Variants in NRXN1 observed in about 807,000 individuals in gnomAD.
NRXN1 encodes neurexin 1, also known as neurexin-1.
NRXN1 carries 39 observed loss-of-function variants against 150.9 expected under a neutral mutation model. The observed-to-expected ratio is 0.26, with a 90% confidence interval of 0.20 to 0.34. NRXN1 has a LOEUF of 0.34. NRXN1 is among the 10% of genes least tolerant of loss of function. NRXN1 has a pLI of 1.00. For synonymous variants in NRXN1, 924 were observed against 757.0 expected, an observed-to-expected ratio of 1.22 and a Z score of -3.62; for missense variants, 1,815 against 1,949.9, an observed-to-expected ratio of 0.93 and a Z score of 1.30.
In NRXN1 at chr2:50,312,381, G is replaced by T. The variant is rs529766091; in HGVS notation, c.3365-75411C>A. Among the ~76,000 whole-genome samples, 10 of 151,710 alleles carry T rather than the reference G, an allele frequency of 6.6e-5. No homozygotes were observed. In the South Asian group the frequency reaches 1.0e-3, roughly 16 times the overall value. ...AACAATTTTGCAGGCACTTGATGTG[G>T]GCATGACGGTGGTGTGTCTATGAGA... On this transcript the variant is annotated intron_variant, in intron 17 of 22. Coordinates refer to ENST00000401669, the MANE Select transcript of NRXN1 (RefSeq NM_001330078.2).
chr2:50,846,043 C>A (rs755954784), intron 5 of NRXN1, among the ~76,000 whole-genome samples: 3 of 152,136 alleles, frequency 2.0e-5, no homozygotes, highest in Admixed American at 1.3e-4. Flanking sequence ...AATTTCTTTT[C>A]TAGCATCAGA....
chr2:51,006,121 G>C (rs539952405), intron 2 of NRXN1, among the ~76,000 whole-genome samples: 17 of 151,798 alleles, frequency 1.1e-4, no homozygotes, highest in Non-Finnish European at 2.2e-4. Flanking sequence ...GCCAGTCATT[G>C]ACATTTCTTA....
rs13432545 is a variant in NRXN1, at chr2:50,573,389, C to G, written c.1321-20364G>C. On this transcript the variant is annotated intron_variant, in intron 8 of 22. Transcript: ENST00000401669. ...AAAAAAAAAAAACGGAATCTAAAGT[C>G]AAACACATGGATCTCTGCCTAGGTC... Among the ~76,000 whole-genome samples, 559 of 151,472 alleles carry G rather than the reference C, an allele frequency of 3.7e-3. 2 individuals carry two copies. The highest frequency in any genetic ancestry group is 0.013 in the African/African-American group (547 of 41,308).
Position 50,056,226 on chromosome 2 carries a change from T to C in NRXN1, c.3719-1182A>G, listed in dbSNP as rs370954043. 9.2e-5 allele frequency among the ~76,000 whole-genome samples: 14 copies of C among 152,252 alleles called. No individual in the cohort carries two copies. In the South Asian group the frequency reaches 2.5e-3, roughly 27 times the overall value. Reference sequence around the variant, plus strand: ...TTGTTAGAGAAGATAAATGAATAGATTTACATTTTATTCCTCTGATTTACA... The same window carrying C: ...TTGTTAGAGAAGATAAATGAATAGACTTACATTTTATTCCTCTGATTTACA... On this transcript the variant is annotated intron_variant, in intron 19 of 22. Transcript: ENST00000401669.
chr2:50,145,183 G>C (rs370863624), intron 18 of NRXN1, among the ~76,000 whole-genome samples: 47 of 151,498 alleles, frequency 3.1e-4, no homozygotes, highest in African/African-American at 1.1e-3. Context: ...CAAACATATA[G>C]AAAAGGTGCA....
At chr2:50,587,772 A>C (rs1006469226) in intron 8 of NRXN1, among the ~76,000 whole-genome samples, 3 of 152,184 alleles carry the variant, frequency 2.0e-5, no homozygotes, top group Non-Finnish European at 4.4e-5. Flanking sequence ...ATATGTCTCA[A>C]TTATGAAAGT....
Position 50,633,059 on chromosome 2 carries a change from T to C in NRXN1, c.833-9444A>G, listed in dbSNP as rs145601606. On this transcript the variant is annotated intron_variant, in intron 5 of 22. Transcript: ENST00000401669. ...ACTCCTGGTATATTCTAACAAGTCA[T>C]CATTATTGGTGAATATACTTAACAA... 6.6e-5 allele frequency: 10 copies of C among 152,258 alleles called. No individual in the cohort carries two copies. In the East Asian group the frequency reaches 1.5e-3, roughly 24 times the overall value. 9.4% of individuals were successfully genotyped at this position (152,258 alleles called of 1,614,324 possible). A position where few individuals can be genotyped will look rare whatever the true frequency, so the allele number is the denominator to read the frequency against.
intron 21 of NRXN1, among the ~76,000 whole-genome samples, chr2:49,979,094 C>T (rs776180009): frequency 9.2e-5 from 14 of 152,010 alleles, no homozygotes; most frequent in East Asian, 3.9e-4. Context: ...ATCAGGAGTT[C>T]GAGACCAGCC....
chr2:50,424,169 G>C (rs1331531264), intron 17 of NRXN1, among the ~76,000 whole-genome samples: 2 of 81,390 alleles, frequency 2.5e-5, no homozygotes, highest in Middle Eastern at 6.8e-3. Context: ...GGGAGGAGGA[G>C]GAGGGGGAGG....
intron 17 of NRXN1, among the ~76,000 whole-genome samples, chr2:50,299,791 T>G (rs1244798907): frequency 5.9e-5 from 9 of 152,196 alleles, no homozygotes; most frequent in Admixed American, 5.2e-4. Context: ...ATGGCTATGT[T>G]TTAAATAAAA....
At chr2:50,560,447 T>C (rs1668892658) in intron 8 of NRXN1, among the ~76,000 whole-genome samples, 1 of 150,884 alleles carries the variant, frequency 6.6e-6, no homozygotes, top group South Asian at 2.1e-4. Context: ...TTTATTTATT[T>C]ATTTATTTAC....
intron 18 of NRXN1, among the ~76,000 whole-genome samples, chr2:50,122,758 T>A (rs1704041911): frequency 2.0e-5 from 3 of 152,248 alleles, no homozygotes. Context: ...GTATTCTTGC[T>A]ATACTTTTTT....
rs750429738 is a variant in NRXN1 at position 50,346,764 on chromosome 2, G to A, written c.3365-109794C>T. 9.9e-6 allele frequency: 16 copies of A among 1,613,894 alleles called. No homozygotes were observed. The highest frequency in any genetic ancestry group is 1.4e-5 in the Non-Finnish European group (16 of 1,179,962). On this transcript the variant is annotated intron_variant, in intron 17 of 22. Coordinates refer to ENST00000401669, the MANE Select transcript of NRXN1 (RefSeq NM_001330078.2). This position sits in a 1 kb window ranked among gnomAD's most constrained non-coding sequence, Gnocchi z 5.0. ...CTGAATGATGCTTGCTGCTGCCATG[G>A]AAATGGTGGATGTGGTGCGCTCCCA...
intron 5 of NRXN1, among the ~76,000 whole-genome samples, chr2:50,811,151 T>C (rs1350719828): frequency 6.6e-6 from 1 of 152,206 alleles, no homozygotes; most frequent in Non-Finnish European, 1.5e-5. Flanking sequence ...GTTTTTGCCT[T>C]TATTCCTTAA....
chr2:50,888,178 A>G (rs544308571), intron 5 of NRXN1, among the ~76,000 whole-genome samples: 1 of 151,688 alleles, frequency 6.6e-6, no homozygotes, highest in South Asian at 2.1e-4. Flanking sequence ...AAGAAAAATG[A>G]TATCAATACT....
intron 2 of NRXN1, among the ~76,000 whole-genome samples, chr2:51,014,713 G>A (rs1326340174): frequency 1.3e-5 from 2 of 151,992 alleles, no homozygotes; most frequent in African/African-American, 2.4e-5. Context: ...TTTCTAGTGC[G>A]TGAATTGGGG....
intron 21 of NRXN1, among the ~76,000 whole-genome samples, chr2:49,997,374 A>T (rs546916898): frequency 6.6e-6 from 1 of 152,330 alleles, no homozygotes; most frequent in Admixed American, 6.5e-5. Flanking sequence ...GTGATTTTAT[A>T]TTAAGTATTA....
chr2:50,097,068 T>C (rs1700323254), intron 18 of NRXN1, among the ~76,000 whole-genome samples: 1 of 152,190 alleles, frequency 6.6e-6, no homozygotes, highest in Non-Finnish European at 1.5e-5. Flanking sequence ...ACAGACATGT[T>C]ACATAAGATT....
chr2:49,944,475 G>A (rs961257471), intron 21 of NRXN1, among the ~76,000 whole-genome samples: 1 of 152,174 alleles, frequency 6.6e-6, no homozygotes, highest in Non-Finnish European at 1.5e-5. Context: ...CAAAGTGGGG[G>A]AGGGGAAGAG....
Sources: allele counts gnomAD v4.1 joint callset (sites outside exome capture counted in the v4.1 genomes callset), GRCh38; gene constraint gnomAD v4.1.1; non-coding constraint Gnocchi (gnomAD v3.1); transcripts MANE v1.5; gene names NCBI Gene and HGNC (gene_info 2026-07-23, HGNC 2026-07-21).